Variants in ZNF367 observed in about 807,000 individuals in gnomAD.
The protein encoded by ZNF367 is C2H2 zinc finger protein ZFF29.
A neutral mutation model predicts 31.8 loss-of-function variants in ZNF367; 11 were observed. That is an observed-to-expected ratio of 0.35 (90% CI 0.22 to 0.57). The LOEUF (loss-of-function observed/expected upper bound fraction) is 0.57, where lower values mean the gene tolerates loss of function less well. ZNF367 is among the 20% of genes least tolerant of loss of function. The pLI is 0.85. For missense variants in ZNF367, 353 were observed against 484.1 expected (o/e 0.73, Z 2.54); for synonymous variants, 199 against 202.4 (o/e 0.98, Z 0.14).
intron 1 of ZNF367, among the ~76,000 whole-genome samples, chr9:96,401,390 G>A (rs796302781): frequency 1.1e-4 from 17 of 152,022 alleles, no homozygotes; most frequent in East Asian, 3.9e-4. Flanking sequence ...GGCCGGGCAC[G>A]TGGCTCAAGC....
At chr9:96,407,718 G>A in intron 1 of ZNF367, 2 of 1,356,662 alleles carry the variant, frequency 1.5e-6, no homozygotes, top group South Asian at 1.3e-5. Flanking sequence ...AGGCATGGAA[G>A]AGGATAGTTA....
rs1447055044 is a variant in ZNF367 at position 96,409,764 on chromosome 9, AAC to A, written c.420+7847_420+7848del. 5.3e-5 allele frequency among the ~76,000 whole-genome samples: 8 copies of A among 152,350 alleles called. No individual in the cohort carries two copies. In the East Asian group the frequency reaches 1.2e-3, roughly 22 times the overall value. ...TCAAGTCTTGCTTGCTAAAATTATT[AAC>A]ACAGAGTCAGACAGAAGGAGCTACA... On this transcript the variant is annotated intron_variant, in intron 1 of 4. Coordinates refer to ENST00000375256, the MANE Select transcript of ZNF367 (RefSeq NM_153695.4).
Position 96,392,541 on chromosome 9 carries a change from A to G in ZNF367, c.692-5T>C. On this transcript the variant is annotated splice_polypyrimidine_tract_variant and splice_region_variant and intron_variant, in intron 3 of 4. Transcript: ENST00000375256. ...GGGTGAATCTGCTCAGGCAGCCTTC[A>G]AAACACAAGGTTAACACCTGTCAGG... 2 of 1,599,220 alleles carry G rather than the reference A, an allele frequency of 1.3e-6. No individual in the cohort carries two copies. Among genetic ancestry groups the G allele is most frequent in the Non-Finnish European group, 1.7e-6 (2 of 1,167,990 alleles).
rs1831861981 is a variant in ZNF367, at chr9:96,418,158, G to A, written c.-126C>T. 4.8e-6 allele frequency: 6 copies of A among 1,246,016 alleles called. No homozygotes were observed. The Admixed American group carries it at 2.1e-4, about 44-fold the overall frequency. 77.2% of individuals were successfully genotyped at this position (1,246,016 alleles called of 1,614,324 possible). On this transcript the variant is annotated 5_prime_UTR_variant, in exon 1 of 5. Transcript: ENST00000375256. ...GGCTCATGGCAGACTGACGTTTCCC[G>A]GAATCCTGCGCAGCAGCCACCTAAC...
intron 1 of ZNF367, among the ~76,000 whole-genome samples, chr9:96,408,062 C>T (rs1419004926): frequency 2.0e-5 from 3 of 151,974 alleles, no homozygotes; most frequent in Non-Finnish European, 4.4e-5. Context: ...GGGCCTGTCG[C>T]GGGGTGGCGG....
At chr9:96,410,132 G>A (rs1258462567) in intron 1 of ZNF367, among the ~76,000 whole-genome samples, 2 of 151,812 alleles carry the variant, frequency 1.3e-5, no homozygotes, top group Non-Finnish European at 2.9e-5. Flanking sequence ...GCGCAGTGGC[G>A]GGCGCCTGTA....
At position 96,417,866 on chromosome 9, in the gene ZNF367, AGCG is replaced by A. The variant is rs745796993; in HGVS notation, c.164_166del (p.Pro55del). 6.7e-5 allele frequency: 102 copies of A among 1,515,602 alleles called. No individual in the cohort carries two copies. The highest frequency in any genetic ancestry group is 2.0e-4 in the South Asian group (16 of 80,626). The allele number at this position is 1,515,602 out of a possible 1,614,324, so 93.9% of individuals were successfully genotyped here. On this transcript the variant is annotated inframe_deletion, in exon 1 of 5. Coordinates refer to ENST00000375256, the MANE Select transcript of ZNF367 (RefSeq NM_153695.4). The surrounding 1 kb of genome is among the most constrained non-coding windows in gnomAD (Gnocchi z 5.0). ...GCTGAAGCCGGGGCTGGTGGGGATG[AGCG>A]GCGGCGGCGGCTCCGGCTCCCCTCC...
chr9:96,407,473 A>C, intron 1 of ZNF367: 1 of 1,318,224 alleles, frequency 7.6e-7, no homozygotes, highest in Admixed American at 1.7e-5. Flanking sequence ...AATGAAAAAA[A>C]GACTATCAAA....
At chr9:96,407,001 CAAAAAAAAAAAAA>C (rs71368256) in intron 1 of ZNF367, among the ~76,000 whole-genome samples, 4 of 35,908 alleles carry the variant, frequency 1.1e-4, no homozygotes, top group Middle Eastern at 0.022. Flanking sequence ...GACTCCATCT[CAAAAAAAAAAAAA>C]AAAAAAAAAA....
chr9:96,402,691 T>G (rs1418349579), intron 1 of ZNF367, among the ~76,000 whole-genome samples: 1 of 148,686 alleles, frequency 6.7e-6, no homozygotes, highest in East Asian at 2.0e-4. Context: ...AGGCTGGTCT[T>G]GAACTCCTGG....
In ZNF367 at chr9:96,402,619, ATTTTTTTTTT is replaced by A. The variant is rs61651699; in HGVS notation, c.421-4315_421-4306del. 2.3e-3 allele frequency among the ~76,000 whole-genome samples: 161 copies of A among 70,208 alleles called. 3 individuals are homozygous for A. The highest frequency in any genetic ancestry group is 9.5e-3 in the African/African-American group (146 of 15,416). The allele number at this position is 70,208 out of a possible 152,430, so 46.1% of individuals were successfully genotyped here. On this transcript the variant is annotated intron_variant, in intron 1 of 4. Coordinates refer to ENST00000375256, the MANE Select transcript of ZNF367 (RefSeq NM_153695.4). ...AAGTGCCCACCACCACGCCTGGCTAATTTTTTTTTTTTTTTTTTTTTTTTTTGTATTTTTA... is the reference window on the plus strand; with the variant it reads ...AAGTGCCCACCACCACGCCTGGCTAATTTTTTTTTTTTTTTTGTATTTTTA...
At chr9:96,404,099 G>A (rs35284849) in intron 1 of ZNF367, among the ~76,000 whole-genome samples, 3 of 152,112 alleles carry the variant, frequency 2.0e-5, no homozygotes, top group Non-Finnish European at 2.9e-5. Context: ...GGAGGCAGAG[G>A]TTGCAGTGAG....
chr9:96,411,599 G>T (rs1831750293), intron 1 of ZNF367, among the ~76,000 whole-genome samples: 1 of 151,826 alleles, frequency 6.6e-6, no homozygotes, highest in South Asian at 2.1e-4. Flanking sequence ...AAATATGCAA[G>T]AACATATTGC....
At chr9:96,402,877 T>G (rs1284416849) in intron 1 of ZNF367, among the ~76,000 whole-genome samples, 1 of 152,090 alleles carries the variant, frequency 6.6e-6, no homozygotes, top group African/African-American at 2.4e-5. Context: ...CACTAAATTT[T>G]AAAAGACTGA....
chr9:96,392,651 G>T, intron 3 of ZNF367, 115 bp from the exon 4 acceptor site: 1 of 1,419,002 alleles, frequency 7.0e-7, no homozygotes, highest in Non-Finnish European at 9.5e-7. Context: ...TGAAATTTAG[G>T]ATCTATAATT....
intron 1 of ZNF367, among the ~76,000 whole-genome samples, chr9:96,415,347 G>A (rs905011732): frequency 1.3e-5 from 2 of 151,342 alleles, no homozygotes; most frequent in East Asian, 1.9e-4. Context: ...GATTACAGGC[G>A]TGAGCCACCC....
At position 96,404,383 on chromosome 9, in the gene ZNF367, A is replaced by T. The variant is rs566227236; in HGVS notation, c.421-6069T>A. ...GCTGAGGCGAGTGGATTACGAGGTC[A>T]AGAGATCGAGACCATCCTGGCTAAC... On this transcript the variant is annotated intron_variant, in intron 1 of 4. Transcript: ENST00000375256. Among the ~76,000 whole-genome samples, 360 of 152,198 alleles carry T rather than the reference A, an allele frequency of 2.4e-3. 1 individual carries two copies. The highest frequency in any genetic ancestry group is 8.4e-3 in the African/African-American group (348 of 41,536).
chr9:96,395,017 C>T (rs938014087), intron 2 of ZNF367, 75 bp from the exon 3 acceptor site: 6 of 1,537,596 alleles, frequency 3.9e-6, no homozygotes, highest in Non-Finnish European at 5.4e-6. Flanking sequence ...AGAGAATCAG[C>T]CTTTATATAG....
intron 1 of ZNF367, chr9:96,407,346 T>A: frequency 6.4e-7 from 1 of 1,564,020 alleles, no homozygotes; most frequent in South Asian, 1.1e-5. Context: ...TGGATTACCA[T>A]GAGAAAAAGA....
Sources: gnomAD v4.1 joint callset for allele counts (sites outside exome capture counted in the v4.1 genomes callset) on GRCh38, gnomAD v4.1.1 for gene constraint, Gnocchi (gnomAD v3.1) non-coding constraint, MANE v1.5 for transcripts, NCBI Gene and HGNC (gene_info 2026-07-23, HGNC 2026-07-21) for gene names.